Variants in OSBPL10 observed in about 807,000 individuals in gnomAD.
The protein encoded by OSBPL10 is oxysterol binding protein like 10, also known as oxysterol-binding protein-related protein 10.
Under a neutral mutation model 81.7 loss-of-function variants are expected in OSBPL10, and 49 were observed. That is an observed-to-expected ratio of 0.60 (90% CI 0.48 to 0.76). The LOEUF is 0.76. Ranked by LOEUF, OSBPL10 falls within the 30% of genes least tolerant of loss-of-function variation. The pLI is 0.00. For synonymous variants in OSBPL10, 419 were observed against 383.6 expected, an observed-to-expected ratio of 1.09 and a Z score of -1.08; for missense variants, 923 against 987.8, an observed-to-expected ratio of 0.93 and a Z score of 0.88.
chr3:31,998,091 C>T (rs565850382), intron 2 of OSBPL10, among the ~76,000 whole-genome samples: 2 of 152,164 alleles, frequency 1.3e-5, no homozygotes, highest in Non-Finnish European at 2.9e-5. Flanking sequence ...CCAGCTATAG[C>T]CTCAGTGTCT....
Position 32,014,695 on chromosome 3 carries a change from C to T in OSBPL10, n.298+31796G>A, listed in dbSNP as rs577712836. 2.4e-3 allele frequency among the ~76,000 whole-genome samples: 358 copies of T among 152,298 alleles called. 3 individuals carry two copies. Among genetic ancestry groups the T allele is most frequent in the Non-Finnish European group, 3.3e-3 (227 of 68,018 alleles). On this transcript the variant is annotated intron_variant and non_coding_transcript_variant, in intron 2 of 3. Transcript: ENST00000479173. ...ATGACATGACTGTATATCTAGAAAA[C>T]CCCTTGGTCTCAGCCCAAAATCTCC...
At chr3:31,927,721 C>G (rs572892235) in intron 1 of OSBPL10, among the ~76,000 whole-genome samples, 3 of 152,286 alleles carry the variant, frequency 2.0e-5, no homozygotes, top group Admixed American at 1.3e-4. Context: ...CTACCGCTGG[C>G]CTTCATGCCA....
chr3:31,683,582 T>C (rs1575473271), intron 8 of OSBPL10, 52 bp downstream of exon 8: 1 of 1,571,822 alleles, frequency 6.4e-7, no homozygotes, highest in South Asian at 1.1e-5. Flanking sequence ...ATCTACCAGG[T>C]ATAGAAACGT....
chr3:31,876,040 A>G (rs1701460942), intron 3 of OSBPL10, among the ~76,000 whole-genome samples: 1 of 152,096 alleles, frequency 6.6e-6, no homozygotes, highest in Non-Finnish European at 1.5e-5. Flanking sequence ...CAAAGTACAT[A>G]AGCAATTCAG....
At chr3:31,908,045 G>A (rs1449771042) in intron 1 of OSBPL10, among the ~76,000 whole-genome samples, 1 of 152,080 alleles carries the variant, frequency 6.6e-6, no homozygotes, top group Non-Finnish European at 1.5e-5. Context: ...AGACTGGAAG[G>A]AAGAGGGTAA....
chr3:31,780,354 C>T (rs1698660189), intron 4 of OSBPL10, among the ~76,000 whole-genome samples: 1 of 151,756 alleles, frequency 6.6e-6, no homozygotes, highest in African/African-American at 2.4e-5. Flanking sequence ...CATTAAATGC[C>T]TACATTGGAA....
intron 1 of OSBPL10, among the ~76,000 whole-genome samples, chr3:31,967,375 G>C (rs1259246533): frequency 6.6e-6 from 1 of 152,114 alleles, no homozygotes. Flanking sequence ...AGCCACTTGG[G>C]AGGCTGAGGC....
In OSBPL10 at chr3:31,814,874, T is replaced by A. The variant is rs144412114; in HGVS notation, c.729+15166A>T. Among the ~76,000 whole-genome samples the A allele has an allele frequency of 1.1e-3, 160 of 152,264 alleles. 1 individual carries two copies. The highest frequency in any genetic ancestry group is 3.7e-3 in the African/African-American group (154 of 41,556). On this transcript the variant is annotated intron_variant, in intron 4 of 11. Coordinates refer to ENST00000396556, the MANE Select transcript of OSBPL10 (RefSeq NM_017784.5). The stretch of plus-strand genomic sequence containing the variant: ...CACAAAAGTGGCTTATTCCATAGAT[T>A]AAAGTTGGCCAAGAATTCTTTGCTC...
chr3:31,663,487 TGG>T, intron 11 of OSBPL10: 9 of 992,796 alleles, frequency 9.1e-6, no homozygotes, highest in Non-Finnish European at 1.1e-5. Flanking sequence ...GGGCTTCAGC[TGG>T]GCACACAGTG....
intron 4 of OSBPL10, among the ~76,000 whole-genome samples, chr3:31,772,695 C>G (rs1698418075): frequency 6.6e-6 from 1 of 152,180 alleles, no homozygotes; most frequent in Non-Finnish European, 1.5e-5. Context: ...TGTTTGCCCT[C>G]TCTGGGAACA....
intron 2 of OSBPL10, chr3:31,989,261 A>G (rs764885156): frequency 6.2e-7 from 1 of 1,614,214 alleles, no homozygotes; most frequent in Non-Finnish European, 8.5e-7. Flanking sequence ...AGGAACCTGC[A>G]TTCTGTGGAT....
chr3:31,921,064 G>T (rs1286743701), intron 1 of OSBPL10, among the ~76,000 whole-genome samples: 1 of 152,172 alleles, frequency 6.6e-6, no homozygotes, highest in Non-Finnish European at 1.5e-5. Flanking sequence ...TGAAGTGGGG[G>T]TGAACGATAA....
chr3:31,833,280 C>T (rs891519156), intron 3 of OSBPL10, among the ~76,000 whole-genome samples: 1 of 152,094 alleles, frequency 6.6e-6, no homozygotes, highest in African/African-American at 2.4e-5. Context: ...ACACCTCTAT[C>T]CCCCCACTCC....
intron 4 of OSBPL10, among the ~76,000 whole-genome samples, chr3:31,778,854 T>G (rs756857199): frequency 2.0e-5 from 3 of 152,086 alleles, no homozygotes; most frequent in Non-Finnish European, 2.9e-5. Flanking sequence ...CCTATCAGAT[T>G]AACAGCAGAT....
chr3:31,969,210 T>C lies in OSBPL10; in HGVS notation c.281+11689A>G, dbSNP rs201758190. On this transcript the variant is annotated intron_variant, in intron 1 of 11. Transcript: ENST00000396556. ...AAGTCCACACTCTGAGGTTAATGAA[T>C]TGGGAGGCCTCTGCATAAATCAAGA... Among the ~76,000 whole-genome samples, 4 of 152,250 alleles carry C rather than the reference T, an allele frequency of 2.6e-5. No homozygotes were observed. In the East Asian group the frequency reaches 5.8e-4, roughly 22 times the overall value.
intron 4 of OSBPL10, among the ~76,000 whole-genome samples, chr3:31,829,303 A>G (rs1448225606): frequency 6.6e-6 from 1 of 152,210 alleles, no homozygotes; most frequent in Non-Finnish European, 1.5e-5. Context: ...TGTTCTCTAT[A>G]ACAGCTGCAG....
chr3:31,799,831 C>G (rs1699333110), intron 4 of OSBPL10, among the ~76,000 whole-genome samples: 1 of 152,174 alleles, frequency 6.6e-6, no homozygotes, highest in South Asian at 2.1e-4. Context: ...TCTGCCTCAG[C>G]CTCCTGAGCT....
chr3:31,831,831 TACAAAC>T (rs1210295212), intron 3 of OSBPL10, among the ~76,000 whole-genome samples: 5 of 152,154 alleles, frequency 3.3e-5, no homozygotes, highest in Non-Finnish European at 5.9e-5. Context: ...CCATCACAGA[TACAAAC>T]ACATCTCCCC....
chr3:31,948,247 A>C (rs767329490), intron 1 of OSBPL10, among the ~76,000 whole-genome samples: 7 of 152,222 alleles, frequency 4.6e-5, no homozygotes, highest in Non-Finnish European at 1.0e-4. Context: ...CCAGCAGAAC[A>C]ATATACATGC....
Sources: allele counts gnomAD v4.1 joint callset (sites outside exome capture counted in the v4.1 genomes callset), GRCh38; gene constraint gnomAD v4.1.1; transcripts MANE v1.5; gene names NCBI Gene and HGNC (gene_info 2026-07-23, HGNC 2026-07-21).